The following PCED1B variants were observed in gnomAD, a reference collection of about 807,000 sequenced individuals.
PCED1B encodes PC-esterase domain containing 1B, also known as PC-esterase domain-containing protein 1B.
For missense variants in PCED1B, 573 were observed against 573.9 expected, an observed-to-expected ratio of 1.00 and a Z score of 0.02; for synonymous variants, 251 against 246.1, an observed-to-expected ratio of 1.02 and a Z score of -0.19.
chr12:47,159,953 T>A (rs1320188889), intron 2 of PCED1B, among the ~76,000 whole-genome samples: 1 of 152,186 alleles, frequency 6.6e-6, no homozygotes, highest in Non-Finnish European at 1.5e-5. Context: ...TTCTTCCACA[T>A]ATAGATATCA....
At chr12:47,213,309 A>T (rs1943150423) in intron 2 of PCED1B, among the ~76,000 whole-genome samples, 1 of 152,218 alleles carries the variant, frequency 6.6e-6, no homozygotes, top group African/African-American at 2.4e-5. Context: ...ACTAATTGTG[A>T]GTGCTTTGAA....
At chr12:47,089,085 G>A (rs973091558) in intron 1 of PCED1B, among the ~76,000 whole-genome samples, 1 of 152,058 alleles carries the variant, frequency 6.6e-6, no homozygotes, top group African/African-American at 2.4e-5. Context: ...CAGCTTGACA[G>A]GTCCAGAAAC....
intron 2 of PCED1B, among the ~76,000 whole-genome samples, chr12:47,155,420 A>T (rs759188829): frequency 1.2e-4 from 18 of 152,226 alleles, no homozygotes; most frequent in Non-Finnish European, 2.4e-4. Flanking sequence ...GAATTGATGA[A>T]ATATGATATG....
chr12:47,203,765 A>G lies in PCED1B; in HGVS notation c.-525-12457A>G, dbSNP rs149950258. On this transcript the variant is annotated intron_variant, in intron 2 of 3. Transcript: ENST00000546455. Reference sequence around the variant, plus strand: ...TATTGCTGTTGCTACTAGTGCTCCAATGGACATACATATGCATGTGTCTTT... The same window carrying G: ...TATTGCTGTTGCTACTAGTGCTCCAGTGGACATACATATGCATGTGTCTTT... Among the ~76,000 whole-genome samples the G allele has an allele frequency of 1.9e-3, 284 of 152,288 alleles. 6 individuals carry two copies. In the East Asian group the frequency reaches 0.03, roughly 16 times the overall value.
chr12:47,143,868 A>G (rs894685854), intron 2 of PCED1B, among the ~76,000 whole-genome samples: 1 of 152,222 alleles, frequency 6.6e-6, no homozygotes, highest in Admixed American at 6.5e-5. Flanking sequence ...AGACACATAG[A>G]TAAACAAAAC....
chr12:47,213,702 T>A (rs1447982993), intron 2 of PCED1B, among the ~76,000 whole-genome samples: 1 of 152,214 alleles, frequency 6.6e-6, no homozygotes, highest in East Asian at 1.9e-4. Context: ...TGTGCATAAG[T>A]TGTCATTACT....
At chr12:47,143,914 T>A (rs540404713) in intron 2 of PCED1B, among the ~76,000 whole-genome samples, 1 of 152,254 alleles carries the variant, frequency 6.6e-6, no homozygotes, top group East Asian at 1.9e-4. Context: ...TTACTAGGCA[T>A]TGCTCTAGTG....
intron 2 of PCED1B, among the ~76,000 whole-genome samples, chr12:47,156,810 T>C (rs930998956): frequency 6.6e-6 from 1 of 152,178 alleles, no homozygotes; most frequent in Admixed American, 6.5e-5. Context: ...CATCTGGAGC[T>C]GGTCTGCCTG....
chr12:47,125,506 C>A (rs76107388), intron 2 of PCED1B, among the ~76,000 whole-genome samples: 1,570 of 151,928 alleles, frequency 0.01, 26 homozygotes, highest in African/African-American at 0.036. Context: ...TTTGAATTTT[C>A]GTATGAAGTT....
intron 2 of PCED1B, among the ~76,000 whole-genome samples, chr12:47,203,313 CT>C (rs1348782916): frequency 6.6e-6 from 1 of 151,962 alleles, no homozygotes; most frequent in Non-Finnish European, 1.5e-5. Flanking sequence ...TTATTTCCAA[CT>C]TTTAAGTTTA....
At chr12:47,201,114 T>C (rs569889773) in intron 2 of PCED1B, among the ~76,000 whole-genome samples, 130 of 152,286 alleles carry the variant, frequency 8.5e-4, no homozygotes, top group African/African-American at 3.0e-3. Context: ...GGGGCTAGAT[T>C]TTCTTTTATA....
intron 2 of PCED1B, among the ~76,000 whole-genome samples, chr12:47,176,092 C>T (rs1019465038): frequency 3.3e-5 from 5 of 151,794 alleles, no homozygotes; most frequent in African/African-American, 1.2e-4. Context: ...TCAATATTTT[C>T]CTTCTTAAAA....
At chr12:47,139,141 T>C (rs1940496549) in intron 2 of PCED1B, among the ~76,000 whole-genome samples, 1 of 152,064 alleles carries the variant, frequency 6.6e-6, no homozygotes, top group Admixed American at 6.5e-5. Flanking sequence ...TTACGAAATA[T>C]ATGCTGAATG....
chr12:47,103,177 G>A (rs1372386257), intron 1 of PCED1B, among the ~76,000 whole-genome samples: 2 of 152,190 alleles, frequency 1.3e-5, no homozygotes, highest in Non-Finnish European at 2.9e-5. Context: ...GAATCTCCAT[G>A]ACTCTTTGGA....
In PCED1B at chr12:47,157,293, C is replaced by G. The variant is rs148060127; in HGVS notation, c.-526+53098C>G. 2.8e-4 allele frequency among the ~76,000 whole-genome samples: 42 copies of G among 152,256 alleles called. No individual in the cohort carries two copies. The East Asian group carries it at 6.7e-3, about 24-fold the overall frequency. ...TTTGGAATATACAGAATTATAAAGA[C>G]AGAAACCATCTGTGGTTGGGTGGGA... On this transcript the variant is annotated intron_variant, in intron 2 of 3. Coordinates refer to ENST00000546455, the MANE Select transcript of PCED1B (RefSeq NM_138371.3).
At chr12:47,119,992 A>G (rs1051453321) in intron 2 of PCED1B, among the ~76,000 whole-genome samples, 1 of 146,894 alleles carries the variant, frequency 6.8e-6, no homozygotes, top group African/African-American at 2.6e-5. Flanking sequence ...ATAATAATAA[A>G]ATGATTAATT....
chr12:47,235,176 A>G lies in PCED1B; in HGVS notation c.113A>G (p.Gln38Arg). 2 of 1,590,632 alleles carry G rather than the reference A, an allele frequency of 1.3e-6. No individual in the cohort carries two copies. Among genetic ancestry groups the G allele is most frequent in the South Asian group, 2.3e-5 (2 of 86,268 alleles). ...AVYKDLVLLLQKDRLLTPGQL... is the reference protein window; with the variant it reads ...AVYKDLVLLLRKDRLLTPGQL... ...TACAAGGACCTGGTGCTTCTGCTGC[A>G]GAAGGACCGCCTGCTCACTCCCGGG... The change falls in exon 4 of 4, where the codon CAG becomes CGG. Residue 38 changes from glutamine (Q) to arginine (R), a missense_variant. Physicochemically the swap from Gln to Arg is conservative, Grantham distance 43. Transcript: ENST00000546455.
At position 47,235,390 on chromosome 12, in the gene PCED1B, G is replaced by T. The variant is rs755012483; in HGVS notation, c.327G>T (p.Leu109=). The part of the protein sequence containing the change: ...SDYLQTILKE[L]QSGEHAPDLV... ...ACCTCCAGACCATCTTGAAAGAGCT[G>T]CAGTCGGGCGAGCACGCCCCCGACC... The change falls in exon 4 of 4, where the codon CTG becomes CTT. Residue 109 remains leucine, a synonymous_variant. Transcript: ENST00000546455. 1 of 1,614,172 alleles carries T rather than the reference G, an allele frequency of 6.2e-7. No homozygotes were observed. Among genetic ancestry groups the T allele is most frequent in the South Asian group, 1.1e-5 (1 of 91,090 alleles).
intron 1 of PCED1B, among the ~76,000 whole-genome samples, chr12:47,102,144 A>G (rs7133748): frequency 0.41 from 62,025 of 152,134 alleles, 13,051 homozygotes; most frequent in East Asian, 0.63. Context: ...TCATTAAAAC[A>G]CATGGCCTAC....
Sources: allele counts gnomAD v4.1 joint callset (sites outside exome capture counted in the v4.1 genomes callset), GRCh38; gene constraint gnomAD v4.1.1; transcripts MANE v1.5; gene names NCBI Gene and HGNC (gene_info 2026-07-23, HGNC 2026-07-21).